The following DCDC1 variants were observed in gnomAD, a reference collection of about 807,000 sequenced individuals.
DCDC1 encodes the protein doublecortin domain containing 1, also known as doublecortin domain-containing protein 1.
DCDC1 carries 200 observed loss-of-function variants against 178.3 expected under a neutral mutation model. The ratio of observed to expected loss-of-function variants is 1.12; its 90% confidence interval spans 1.00 to 1.26. The LOEUF is 1.26. Ranked by LOEUF, DCDC1 falls within the 50% of genes most tolerant of loss-of-function variation. The probability of loss-of-function intolerance (pLI) is 0.00; values close to 1 mark genes in which losing one functional copy is unlikely to be tolerated. For synonymous variants in DCDC1, 690 were observed against 604.8 expected (o/e 1.14, Z -2.07); for missense variants, 1,983 against 1,749.2 (o/e 1.13, Z -2.38).
chr11:31,252,436 T>G lies in DCDC1; in HGVS notation c.1055-10820A>C, dbSNP rs117588432. On this transcript the variant is annotated intron_variant, in intron 8 of 38. Transcript: ENST00000684477. ...TAAAAGCAAATTGTGAAAATAAATT[T>G]GGGGGCTTTCATTGGCTGCAAGTTC... is the stretch of plus-strand genomic sequence containing the variant. 8.6e-3 allele frequency among the ~76,000 whole-genome samples: 1,309 copies of G among 152,232 alleles called. 7 individuals carry two copies. Among genetic ancestry groups the G allele is most frequent in the Middle Eastern group, 0.037 (11 of 294 alleles).
chr11:31,164,895 G>C (rs527802271), intron 9 of DCDC1, among the ~76,000 whole-genome samples: 1 of 152,066 alleles, frequency 6.6e-6, no homozygotes, highest in Non-Finnish European at 1.5e-5. Flanking sequence ...TCCTGTAAGC[G>C]CCATTCGTGG....
In DCDC1 at chr11:31,271,963, C is replaced by T. The variant is rs187522497; in HGVS notation, c.961-6363G>A. Reference sequence around the variant, plus strand: ...AGATCACGAGGTCAGGAGTTTGAGACCAGCCTGGCCAACATGGTTGATTCC... The same window carrying T: ...AGATCACGAGGTCAGGAGTTTGAGATCAGCCTGGCCAACATGGTTGATTCC... On this transcript the variant is annotated intron_variant, in intron 7 of 38. Transcript: ENST00000684477. Among the ~76,000 whole-genome samples the T allele has an allele frequency of 1.4e-4, 21 of 152,240 alleles. No individual in the cohort carries two copies. In the East Asian group the frequency reaches 4.1e-3, roughly 29 times the overall value.
intron 9 of DCDC1, among the ~76,000 whole-genome samples, chr11:31,215,006 A>G (rs1053554792): frequency 1.8e-4 from 28 of 151,976 alleles, no homozygotes; most frequent in African/African-American, 6.5e-4. Context: ...ATAGTTACAT[A>G]TTAAACTGAT....
intron 11 of DCDC1, among the ~76,000 whole-genome samples, chr11:31,121,926 A>G (rs1176947317): frequency 6.6e-6 from 1 of 152,150 alleles, no homozygotes; most frequent in Non-Finnish European, 1.5e-5. Flanking sequence ...ATAAATGGAA[A>G]ATATATTTGT....
chr11:31,290,232 T>C (rs556878338), intron 7 of DCDC1, among the ~76,000 whole-genome samples: 2 of 152,130 alleles, frequency 1.3e-5, no homozygotes, highest in South Asian at 2.1e-4. Context: ...GCTAATTCTT[T>C]AGAGGAGCAA....
intron 33 of DCDC1, 23 bp downstream of exon 33, chr11:30,900,323 G>T: frequency 6.7e-7 from 1 of 1,490,976 alleles, no homozygotes; most frequent in Non-Finnish European, 8.9e-7. Flanking sequence ...TTGCTTGAAA[G>T]AAAGCAAAAA....
chr11:30,888,080 G>A (rs867374030), intron 36 of DCDC1, among the ~76,000 whole-genome samples: 4 of 99,790 alleles, frequency 4.0e-5, no homozygotes, highest in Admixed American at 1.1e-4. Flanking sequence ...GAGAGAGAGA[G>A]AGAGAAAGAA....
chr11:31,138,553 C>A (rs1007705206), intron 9 of DCDC1, among the ~76,000 whole-genome samples: 7 of 152,140 alleles, frequency 4.6e-5, no homozygotes, highest in African/African-American at 1.7e-4. Context: ...AACAGAGAAC[C>A]CTCTGAATTG....
At chr11:30,881,489 A>T (rs1942665474) in intron 36 of DCDC1, among the ~76,000 whole-genome samples, 181 bp from the exon 37 acceptor site, 1 of 152,206 alleles carries the variant, frequency 6.6e-6, no homozygotes, top group Non-Finnish European at 1.5e-5. Flanking sequence ...TAAAGTGCTT[A>T]AACAGTGAGG....
rs1968148563 is a variant in DCDC1, at chr11:31,177,135, T to A, written c.1222-39351A>T. ...ACATATAATAGATTAAAAAAATAAA[T>A]TAAGGCAACACAAATATAAATTGTT... On this transcript the variant is annotated intron_variant, in intron 9 of 38. Transcript: ENST00000684477. Among the ~76,000 whole-genome samples the A allele has an allele frequency of 2.0e-5, 3 of 151,850 alleles. 1 individual carries two copies. In the South Asian group the frequency reaches 6.2e-4, roughly 32 times the overall value.
chr11:31,089,969 G>C (rs1957710152), intron 17 of DCDC1, among the ~76,000 whole-genome samples: 1 of 152,136 alleles, frequency 6.6e-6, no homozygotes, highest in South Asian at 2.1e-4. Context: ...ATGAGCTGAA[G>C]CATCTCTGGC....
chr11:31,209,841 T>C (rs1031055148), intron 9 of DCDC1, among the ~76,000 whole-genome samples: 1 of 152,044 alleles, frequency 6.6e-6, no homozygotes, highest in African/African-American at 2.4e-5. Flanking sequence ...GGAACAAGCA[T>C]GAACGGGAGA....
intron 20 of DCDC1, among the ~76,000 whole-genome samples, chr11:31,016,229 A>G (rs943720381): frequency 1.8e-4 from 28 of 152,228 alleles, no homozygotes; most frequent in African/African-American, 6.5e-4. Context: ...AAAGTGTTCA[A>G]TAAATGGTGG....
At chr11:31,167,887 T>G (rs1268706633) in intron 9 of DCDC1, among the ~76,000 whole-genome samples, 1 of 152,186 alleles carries the variant, frequency 6.6e-6, no homozygotes, top group Non-Finnish European at 1.5e-5. Context: ...TTTTGAAATG[T>G]CAACCCACCA....
chr11:31,029,970 A>C (rs1416817777), intron 20 of DCDC1, among the ~76,000 whole-genome samples: 1 of 152,150 alleles, frequency 6.6e-6, no homozygotes, highest in African/African-American at 2.4e-5. Context: ...GTAAGATGAT[A>C]ATTTTCATAA....
At chr11:31,054,324 T>G (rs1358886621) in intron 20 of DCDC1, among the ~76,000 whole-genome samples, 1 of 150,108 alleles carries the variant, frequency 6.7e-6, no homozygotes, top group African/African-American at 2.4e-5. Flanking sequence ...AAAACACTGC[T>G]GAAATAAATC....
intron 3 of DCDC1, among the ~76,000 whole-genome samples, chr11:31,322,539 A>G (rs1949422088): frequency 6.6e-6 from 1 of 152,176 alleles, no homozygotes; most frequent in African/African-American, 2.4e-5. Flanking sequence ...ATTTTGGCCA[A>G]TGAGACATAA....
chr11:31,135,826 A>C (rs1963059296), intron 10 of DCDC1, among the ~76,000 whole-genome samples: 1 of 152,140 alleles, frequency 6.6e-6, no homozygotes, highest in Admixed American at 6.5e-5. Flanking sequence ...AACACCAAAT[A>C]AGCATAATTG....
chr11:31,353,309 T>G (rs550837671), intron 1 of DCDC1, among the ~76,000 whole-genome samples: 1 of 152,376 alleles, frequency 6.6e-6, no homozygotes, highest in South Asian at 2.1e-4. Flanking sequence ...ACTAGCAGCA[T>G]AGCCTGAAGC....
Sources: gnomAD v4.1 joint callset for allele counts (sites outside exome capture counted in the v4.1 genomes callset) on GRCh38, gnomAD v4.1.1 for gene constraint, MANE v1.5 for transcripts, NCBI Gene and HGNC (gene_info 2026-07-23, HGNC 2026-07-21) for gene names.